Variants in OSBPL10 observed in about 807,000 individuals in gnomAD.
The protein encoded by OSBPL10 is oxysterol binding protein like 10.
A neutral mutation model predicts 81.7 loss-of-function variants in OSBPL10; 49 were observed. That is an observed-to-expected ratio of 0.60 (90% CI 0.48 to 0.76). OSBPL10 has a LOEUF of 0.76. OSBPL10 is among the 30% of genes least tolerant of loss of function. The probability of loss-of-function intolerance (pLI) is 0.00; values close to 1 mark genes in which losing one functional copy is unlikely to be tolerated. For synonymous variants in OSBPL10, 419 were observed against 383.6 expected, an observed-to-expected ratio of 1.09 and a Z score of -1.08; for missense variants, 923 against 987.8, an observed-to-expected ratio of 0.93 and a Z score of 0.88.
chr3:31,746,001 G>A (rs1697509529), intron 5 of OSBPL10, among the ~76,000 whole-genome samples: 1 of 151,850 alleles, frequency 6.6e-6, no homozygotes, highest in Non-Finnish European at 1.5e-5. Context: ...GTGACCCCTG[G>A]GCAACAAAGC....
At chr3:31,857,204 AG>A (rs1700933778) in intron 3 of OSBPL10, among the ~76,000 whole-genome samples, 1 of 152,162 alleles carries the variant, frequency 6.6e-6, no homozygotes, top group Non-Finnish European at 1.5e-5. Flanking sequence ...CCAGCACCGG[AG>A]GGTTTTGTCA....
chr3:31,841,142 G>A (rs1050700055), intron 3 of OSBPL10, among the ~76,000 whole-genome samples: 9 of 152,150 alleles, frequency 5.9e-5, no homozygotes, highest in South Asian at 2.1e-4. Context: ...TCCCGACCTC[G>A]GGTGATCCAC....
intron 4 of OSBPL10, among the ~76,000 whole-genome samples, chr3:31,819,734 G>A (rs1321782573): frequency 6.6e-6 from 1 of 152,200 alleles, no homozygotes; most frequent in Admixed American, 6.5e-5. Flanking sequence ...TTCTCATGAT[G>A]GTCTTTTTTG....
chr3:31,801,058 A>G lies in OSBPL10; in HGVS notation c.729+28982T>C, dbSNP rs561551258. Among the ~76,000 whole-genome samples the G allele has an allele frequency of 5.3e-5, 8 of 152,132 alleles. No individual in the cohort carries two copies. The South Asian group carries it at 1.7e-3, about 32-fold the overall frequency. On this transcript the variant is annotated intron_variant, in intron 4 of 11. Coordinates refer to ENST00000396556, the MANE Select transcript of OSBPL10 (RefSeq NM_017784.5). ...CTACTGACATCACCATAGGTTCTCC[A>G]ACAGAGGGACGGGGAGACTTAGGAT...
At chr3:31,911,834 T>G (rs1696589343) in intron 1 of OSBPL10, among the ~76,000 whole-genome samples, 1 of 152,094 alleles carries the variant, frequency 6.6e-6, no homozygotes, top group Non-Finnish European at 1.5e-5. Context: ...CTAGCTATAT[T>G]ATGAAAGAGG....
intron 10 of OSBPL10, among the ~76,000 whole-genome samples, chr3:31,665,702 A>G (rs937720468): frequency 3.3e-4 from 50 of 152,174 alleles, no homozygotes; most frequent in African/African-American, 1.1e-3. Context: ...ACTCGCCCAA[A>G]CAGTAAGGCT....
At chr3:31,749,202 C>A (rs532001699) in intron 4 of OSBPL10, among the ~76,000 whole-genome samples, 1 of 152,340 alleles carries the variant, frequency 6.6e-6, no homozygotes, top group South Asian at 2.1e-4. Flanking sequence ...TGGGAAGAAG[C>A]AGTAATTCTG....
At chr3:31,893,577 A>G (rs913437149) in intron 1 of OSBPL10, among the ~76,000 whole-genome samples, 7 of 152,264 alleles carry the variant, frequency 4.6e-5, no homozygotes, top group Non-Finnish European at 1.0e-4. Flanking sequence ...AAAGACTTAC[A>G]TGCGAATGTT....
intron 4 of OSBPL10, among the ~76,000 whole-genome samples, chr3:31,796,388 A>G (rs1699211353): frequency 6.6e-6 from 1 of 151,948 alleles, no homozygotes; most frequent in South Asian, 2.1e-4. Flanking sequence ...AAAAAAGGTA[A>G]TCTAGAGATG....
intron 1 of OSBPL10, among the ~76,000 whole-genome samples, chr3:31,965,264 G>A (rs1698288874): frequency 6.7e-6 from 1 of 149,384 alleles, no homozygotes; most frequent in Non-Finnish European, 1.5e-5. Context: ...CAGCTACTCG[G>A]GAAGCTAAGG....
chr3:31,784,784 C>T (rs944563242), intron 4 of OSBPL10, among the ~76,000 whole-genome samples: 1 of 149,764 alleles, frequency 6.7e-6, no homozygotes, highest in Admixed American at 6.8e-5. Context: ...GGTTCCACCA[C>T]GTTGGCCAGG....
At chr3:31,705,372 A>ACCCCCC (rs3840254) in intron 6 of OSBPL10, among the ~76,000 whole-genome samples, 42 of 130,534 alleles carry the variant, frequency 3.2e-4, no homozygotes, top group African/African-American at 5.0e-4. Context: ...CAAAGAGAAG[A>ACCCCCC]CCCCCCCCCC....
At chr3:31,976,024 T>C (rs1235615682) in intron 1 of OSBPL10, among the ~76,000 whole-genome samples, 1 of 152,208 alleles carries the variant, frequency 6.6e-6, no homozygotes, top group Non-Finnish European at 1.5e-5. Context: ...ATTTAGAGGC[T>C]GGGAAGGGGA....
chr3:31,690,615 G>T (rs555135958), intron 7 of OSBPL10, among the ~76,000 whole-genome samples: 5 of 152,312 alleles, frequency 3.3e-5, no homozygotes, highest in African/African-American at 1.2e-4. Flanking sequence ...GGGAATATGG[G>T]CTCACAGCCA....
rs776910913 is a variant in OSBPL10, at chr3:31,979,226, GGGAA to G, written c.281+1669_281+1672del. Among the ~76,000 whole-genome samples the G allele has an allele frequency of 4.0e-4, 61 of 152,226 alleles. 2 individuals are homozygous for G. The highest frequency in any genetic ancestry group is 6.5e-4 in the Non-Finnish European group (44 of 68,004). ...TTTTTCAGCTTTCACGAATTGAAAG[GGGAA>G]GGGAGAGGCAACAGCAGACACTAGG... is the stretch of plus-strand genomic sequence containing the variant. On this transcript the variant is annotated intron_variant, in intron 1 of 11. Transcript: ENST00000396556.
At chr3:31,754,204 G>A (rs192672943) in intron 4 of OSBPL10, among the ~76,000 whole-genome samples, 1 of 152,190 alleles carries the variant, frequency 6.6e-6, no homozygotes, top group East Asian at 1.9e-4. Context: ...GAGCCCCTGG[G>A]GACACTGCTC....
At chr3:31,880,457 C>G (rs976775164) in intron 1 of OSBPL10, among the ~76,000 whole-genome samples, 1 of 152,202 alleles carries the variant, frequency 6.6e-6, no homozygotes. Context: ...AGAAGAAGAA[C>G]TCCAATTTGC....
rs375165642 is a variant in OSBPL10 at position 31,668,625 on chromosome 3, C to G, written c.2096+17G>C. 6.3e-7 allele frequency: 1 copy of G among 1,598,394 alleles called. No homozygotes were observed. Among genetic ancestry groups the G allele is most frequent in the Non-Finnish European group, 8.5e-7 (1 of 1,171,114 alleles). On this transcript the variant is annotated intron_variant, in intron 10 of 11. Transcript: ENST00000396556. ...AGCATGACTAAGCTGGAGAGGAAGA[C>G]ACAGCCCGGTTCTCACCTGGACTCC...
intron 3 of OSBPL10, among the ~76,000 whole-genome samples, chr3:31,848,362 C>G (rs1700685152): frequency 6.6e-6 from 1 of 151,642 alleles, no homozygotes; most frequent in African/African-American, 2.4e-5. Flanking sequence ...AGTTCAAATA[C>G]AGACATACGG....
Sources: allele counts gnomAD v4.1 joint callset (sites outside exome capture counted in the v4.1 genomes callset), GRCh38; gene constraint gnomAD v4.1.1; transcripts MANE v1.5; gene names NCBI Gene and HGNC (gene_info 2026-07-23, HGNC 2026-07-21).